Variants in ABL1 observed in about 807,000 individuals in gnomAD.
ABL1 encodes the protein tyrosine-protein kinase ABL1.
A neutral mutation model predicts 94.7 loss-of-function variants in ABL1; 11 were observed. That is an observed-to-expected ratio of 0.12 (90% CI 0.07 to 0.19). The LOEUF (loss-of-function observed/expected upper bound fraction) is 0.19, where lower values mean the gene tolerates loss of function less well. ABL1 is among the 10% of genes least tolerant of loss of function. The pLI, the probability that ABL1 is intolerant of heterozygous loss-of-function variation, is 1.00. For synonymous variants in ABL1, 656 were observed against 622.4 expected (o/e 1.05, Z -0.80); for missense variants, 1,082 against 1,489.4 (o/e 0.73, Z 4.50).
At position 130,725,824 on chromosome 9, in the gene ABL1, GTTTTT is replaced by G. The variant is rs34517462; in HGVS notation, c.136+11392_136+11396del. ...CTGTTGGTGGAACTTGTGTATGGTGGTTTTTTTTTTTTTTTTTTTTTTTTTTTGAG... is the reference window on the plus strand; with the variant it reads ...CTGTTGGTGGAACTTGTGTATGGTGGTTTTTTTTTTTTTTTTTTTTTTGAG... On this transcript the variant is annotated intron_variant, in intron 1 of 10. Coordinates refer to the ABL1 transcript ENST00000372348. 8.2e-3 allele frequency among the ~76,000 whole-genome samples: 618 copies of G among 75,780 alleles called. 2 individuals are homozygous for G. The highest frequency in any genetic ancestry group is 0.012 in the Non-Finnish European group (493 of 41,220). The allele number at this position is 75,780 out of a possible 152,430, so 49.7% of individuals were successfully genotyped here.
chr9:130,879,179 G>A (rs903718563), intron 8 of ABL1, among the ~76,000 whole-genome samples: 2 of 152,182 alleles, frequency 1.3e-5, no homozygotes, highest in East Asian at 1.9e-4. Context: ...GCCCAGCTGC[G>A]AGGTGATTTT....
intron 1 of ABL1, among the ~76,000 whole-genome samples, chr9:130,740,639 A>G (rs1044105418): frequency 6.6e-6 from 1 of 152,082 alleles, no homozygotes; most frequent in Admixed American, 6.6e-5. Flanking sequence ...AGGCTAGTAC[A>G]CATGTGCTTA....
intron 4 of ABL1, among the ~76,000 whole-genome samples, chr9:130,866,765 T>C (rs1284276621): frequency 6.6e-6 from 1 of 152,214 alleles, no homozygotes; most frequent in Non-Finnish European, 1.5e-5. Flanking sequence ...TTGATAGTAT[T>C]GGGCAGGACA....
At position 130,878,350 on chromosome 9, in the gene ABL1, T is replaced by A. The variant is rs1226069907; in HGVS notation, c.1271-65T>A. ...GAGGTCTGCTGCAAAGGTAACTGAT[T>A]TTAAATGTAGTGTAGTGAAATGCTA... On this transcript the variant is annotated intron_variant, in intron 7 of 10. Transcript: ENST00000318560. The A allele has an allele frequency of 2.5e-6, 4 of 1,580,204 alleles. No individual in the cohort carries two copies. The African/African-American group carries it at 4.0e-5, about 16-fold the overall frequency.
At chr9:130,812,277 C>G (rs995326828) in intron 1 of ABL1, among the ~76,000 whole-genome samples, 4 of 150,782 alleles carry the variant, frequency 2.7e-5, no homozygotes, top group Non-Finnish European at 4.4e-5. Context: ...GGGAGGATCA[C>G]TTGAGCCCAG....
intron 1 of ABL1, among the ~76,000 whole-genome samples, chr9:130,822,890 T>A (rs1260511791): frequency 6.6e-6 from 1 of 151,968 alleles, no homozygotes; most frequent in Non-Finnish European, 1.5e-5. Context: ...CTCTGCCTCC[T>A]GGGTTCAAGC....
At position 130,840,521 on chromosome 9, in the gene ABL1, GCT is replaced by G. The variant is rs200099699; in HGVS notation, c.79+4997_79+4998del. On this transcript the variant is annotated intron_variant, in intron 1 of 10. Coordinates refer to ENST00000318560, the MANE Select transcript of ABL1 (RefSeq NM_005157.6). ...AAAGCAGAAAATAAATCAATGGGTA[GCT>G]TTCTTAAATACATAAGAACTAAAGA... Among the ~76,000 whole-genome samples the G allele has an allele frequency of 8.1e-4, 123 of 152,302 alleles. 2 individuals carry two copies. In the East Asian group the frequency reaches 0.021, roughly 26 times the overall value.
chr9:130,779,106 G>A (rs112199466), intron 1 of ABL1, among the ~76,000 whole-genome samples: 9 of 152,308 alleles, frequency 5.9e-5, no homozygotes, highest in East Asian at 3.9e-4. Context: ...AAAGAATGTC[G>A]TCTTAGAATC....
exon 1 of ABL1, among the ~76,000 whole-genome samples, chr9:130,713,048 A>C (rs371265095): frequency 1.3e-5 from 2 of 152,174 alleles, no homozygotes; most frequent in African/African-American, 2.4e-5. Context: ...CTCGTAATCC[A>C]TCATGGCGGC....
chr9:130,880,366 G>A lies in ABL1; in HGVS notation c.1514-134G>A, dbSNP rs987379926. The A allele has an allele frequency of 1.9e-5, 22 of 1,161,204 alleles. No individual in the cohort carries two copies. The highest frequency in any genetic ancestry group is 2.4e-5 in the Non-Finnish European group (20 of 817,066). The allele number at this position is 1,161,204 out of a possible 1,614,324, so 71.9% of individuals were successfully genotyped here. On this transcript the variant is annotated intron_variant, in intron 9 of 10. Transcript: ENST00000318560. This position sits in a 1 kb window ranked among gnomAD's most constrained non-coding sequence, Gnocchi z 4.4. ...AGAAATGCTAAGGGCTGTTTCTCCG[G>A]TATCCACGTGCCTTTTCTTTAGTTG...
At chr9:130,760,441 C>A (rs1336339336) in intron 1 of ABL1, among the ~76,000 whole-genome samples, 3 of 152,152 alleles carry the variant, frequency 2.0e-5, no homozygotes, top group Non-Finnish European at 4.4e-5. Context: ...TTAACATAGA[C>A]CCTTCCAAGT....
intron 1 of ABL1, among the ~76,000 whole-genome samples, chr9:130,744,165 C>T (rs1051836734): frequency 3.3e-5 from 5 of 151,380 alleles, no homozygotes; most frequent in Non-Finnish European, 5.9e-5. Context: ...TTCCCTGAGA[C>T]GGACTCGCTC....
intron 1 of ABL1, among the ~76,000 whole-genome samples, chr9:130,750,844 A>C (rs1443909583): frequency 6.6e-6 from 1 of 151,170 alleles, no homozygotes; most frequent in Non-Finnish European, 1.5e-5. Flanking sequence ...ACAGGGTTTC[A>C]CCATGTTAGT....
At chr9:130,722,633 A>G (rs1185071509) in intron 1 of ABL1, among the ~76,000 whole-genome samples, 1 of 152,122 alleles carries the variant, frequency 6.6e-6, no homozygotes, top group Non-Finnish European at 1.5e-5. Flanking sequence ...GGGATCGTAC[A>G]GGTGAGCCAT....
Position 130,885,396 on chromosome 9 carries a change from A to T in ABL1, c.3106A>T (p.Thr1036Ser), listed in dbSNP as rs1378100091. 1 of 1,613,518 alleles carries T rather than the reference A, an allele frequency of 6.2e-7. No homozygotes were observed. The highest frequency in any genetic ancestry group is 8.5e-7 in the Non-Finnish European group (1 of 1,180,046). Residue 1036 changes from threonine (T) to serine (S), a missense_variant, in exon 11 of 11, where the codon ACC becomes TCC. Physicochemically the swap from Thr to Ser is moderately conservative, Grantham distance 58. Coordinates refer to ENST00000318560, the MANE Select transcript of ABL1 (RefSeq NM_005157.6). Reference sequence around the variant, plus strand: ...CACCAAGGGCGTGGTCCTGGACAGCACCGAGGCGCTGTGCCTCGCCATCTC... The same window carrying T: ...CACCAAGGGCGTGGTCCTGGACAGCTCCGAGGCGCTGTGCCTCGCCATCTC... ...AITKGVVLDSTEALCLAISRN... is the reference protein window; with the variant it reads ...AITKGVVLDSSEALCLAISRN...
At chr9:130,735,696 A>G (rs866557109) in intron 1 of ABL1, among the ~76,000 whole-genome samples, 9 of 151,026 alleles carry the variant, frequency 6.0e-5, no homozygotes, top group African/African-American at 1.2e-4. Context: ...TGGTTTTCCA[A>G]CCAGTTCCCT....
chr9:130,731,734 T>C lies in ABL1; in HGVS notation c.136+17279T>C, dbSNP rs1831669234. ...GTTCTTCAATATTGTCTTGGCTTGC[T>C]CCTTTGTATTTCCATATACATTTTA... On this transcript the variant is annotated intron_variant, in intron 1 of 10. Coordinates refer to the ABL1 transcript ENST00000372348. Among the ~76,000 whole-genome samples the C allele has an allele frequency of 2.0e-5, 3 of 152,306 alleles. No individual in the cohort carries two copies. The East Asian group carries it at 5.8e-4, about 29-fold the overall frequency.
intron 1 of ABL1, among the ~76,000 whole-genome samples, chr9:130,727,279 C>G (rs1355604981): frequency 6.7e-6 from 1 of 149,230 alleles, no homozygotes; most frequent in Non-Finnish European, 1.5e-5. Context: ...GTTACCCAGG[C>G]TGGTCTTGAA....
chr9:130,736,651 C>T (rs7862925), intron 1 of ABL1, among the ~76,000 whole-genome samples: 48,899 of 151,762 alleles, frequency 0.32, 11,508 homozygotes, highest in African/African-American at 0.64. Flanking sequence ...GCCACCACAC[C>T]CGGCTAATTT....
Sources: gnomAD v4.1 joint callset for allele counts (sites outside exome capture counted in the v4.1 genomes callset) on GRCh38, gnomAD v4.1.1 for gene constraint, Gnocchi (gnomAD v3.1) non-coding constraint, MANE v1.5 for transcripts, NCBI Gene and HGNC (gene_info 2026-07-23, HGNC 2026-07-21) for gene names.